NARS1: variants seen among roughly 807,000 people sequenced by gnomAD.
NARS1 encodes the protein asparaginyl-tRNA synthetase 1.
NARS1 carries 65 observed loss-of-function variants against 79.2 expected under a neutral mutation model. The observed-to-expected ratio is 0.82, with a 90% CI of 0.67 to 1.01. NARS1 has a LOEUF of 1.01. Among genes scored for constraint, NARS1 ranks in the 50% least tolerant of loss-of-function variants. The pLI, the probability that NARS1 is intolerant of heterozygous loss-of-function variation, is 0.00. For missense variants in NARS1, 649 were observed against 673.8 expected (o/e 0.96, Z 0.41); for synonymous variants, 229 against 238.8 (o/e 0.96, Z 0.38).
intron 2 of NARS1, 41 bp from the exon 3 acceptor site, chr18:57,616,016 T>C (rs1908015035): frequency 6.7e-7 from 1 of 1,497,680 alleles, no homozygotes; most frequent in Middle Eastern, 1.8e-4. Flanking sequence ...TTGAACATTG[T>C]ACAATACTTA....
chr18:57,603,328 G>A (rs957176129), intron 11 of NARS1, among the ~76,000 whole-genome samples: 9 of 151,946 alleles, frequency 5.9e-5, no homozygotes, highest in Admixed American at 3.3e-4. Context: ...ACTTAGTCCC[G>A]TAAGGCATAC....
Position 57,602,913 on chromosome 18 carries a change from T to C in NARS1, c.1282A>G (p.Thr428Ala), listed in dbSNP as rs1371938052. Residue 428 changes from threonine (T) to alanine (A), a missense_variant, in exon 12 of 14, where the codon ACA becomes GCA. Transcript: ENST00000256854. ...AAGATTGGTTCATTAATGGTGTCTGTCATCAGTCTCTCAGGAGCTTCTGGG... is the reference window on the plus strand; with the variant it reads ...AAGATTGGTTCATTAATGGTGTCTGCCATCAGTCTCTCAGGAGCTTCTGGG... The part of the protein sequence containing the change: ...DIPEAPERLM[T>A]DTINEPILLC... 4.3e-6 allele frequency: 7 copies of C among 1,614,124 alleles called. No individual in the cohort carries two copies. The Admixed American group carries it at 6.7e-5, about 15-fold the overall frequency.
At chr18:57,606,299 T>A (rs1030829723) in intron 10 of NARS1, among the ~76,000 whole-genome samples, 1 of 148,052 alleles carries the variant, frequency 6.8e-6, no homozygotes, top group Non-Finnish European at 1.5e-5. Flanking sequence ...TGAGCAGAGA[T>A]CGCGCCACTG....
In NARS1 at chr18:57,617,587, AAAAAAAAT is replaced by A. The variant is rs1363993007; in HGVS notation, c.94-1620_94-1613del. On this transcript the variant is annotated intron_variant, in intron 2 of 13. Coordinates refer to ENST00000256854, the MANE Select transcript of NARS1 (RefSeq NM_004539.4). ...GACTCCGTCTCAAAAAAAAAAAAAA[AAAAAAAAT>A]AGAGAAGGAAGGAATCTGGATCTTT... is the stretch of plus-strand genomic sequence containing the variant. Among the ~76,000 whole-genome samples, 10 of 146,832 alleles carry A rather than the reference AAAAAAAAT, an allele frequency of 6.8e-5. 1 individual carries two copies. Among genetic ancestry groups the A allele is most frequent in the Non-Finnish European group, 1.4e-4 (9 of 66,646 alleles).
intron 11 of NARS1, among the ~76,000 whole-genome samples, chr18:57,603,493 C>A (rs900983342): frequency 1.3e-5 from 2 of 151,760 alleles, no homozygotes; most frequent in African/African-American, 4.9e-5. Flanking sequence ...GACAAATAAC[C>A]AATGTCAAAC....
rs748807099 is a variant in NARS1, at chr18:57,606,725, G to A, written c.1028C>T (p.Pro343Leu). ...CAGGAGGTCGTCAAAAGTCAGGAAA[G>A]GACACTCAGCTTCCACGTGAGTGTA... ...AEYTHVEAEC[P>L]FLTFDDLLNR... Residue 343 changes from proline to leucine, a missense_variant, in exon 10 of 14, where the codon CCT becomes CTT. Pro to Leu is a moderately conservative substitution (Grantham distance 98, BLOSUM62 -3). Coordinates refer to ENST00000256854, the MANE Select transcript of NARS1 (RefSeq NM_004539.4). The A allele has an allele frequency of 1.2e-6, 2 of 1,614,148 alleles. No homozygotes were observed. The highest frequency in any genetic ancestry group is 1.7e-6 in the Non-Finnish European group (2 of 1,180,018).
At chr18:57,605,114 T>A in intron 11 of NARS1, among the ~76,000 whole-genome samples, 1 of 103,348 alleles carries the variant, frequency 9.7e-6, no homozygotes, top group African/African-American at 4.2e-5. Context: ...ACAAGATACA[T>A]TCTCCAGAAA....
intron 7 of NARS1, among the ~76,000 whole-genome samples, chr18:57,608,438 A>AAAT: frequency 6.0e-4 from 1 of 1,676 alleles, no homozygotes; most frequent in South Asian, 0.045. Context: ...ACTCCGTCTC[A>AAAT]AAAAAAAAAA....
intron 11 of NARS1, among the ~76,000 whole-genome samples, chr18:57,604,615 T>C (rs2051538536): frequency 6.6e-6 from 1 of 152,020 alleles, no homozygotes; most frequent in Non-Finnish European, 1.5e-5. Flanking sequence ...TTGAGCCAGA[T>C]GCAGTGGCTC....
At chr18:57,603,779 G>A (rs1421758863) in intron 11 of NARS1, among the ~76,000 whole-genome samples, 2 of 136,920 alleles carry the variant, frequency 1.5e-5, no homozygotes, top group African/African-American at 2.6e-5. Context: ...CCTCGGAGAC[G>A]CCGAGAGGTA....
chr18:57,607,851 T>C (rs1195372135), intron 7 of NARS1, among the ~76,000 whole-genome samples, 186 bp from the exon 8 acceptor site: 1 of 151,644 alleles, frequency 6.6e-6, no homozygotes, highest in Non-Finnish European at 1.5e-5. Flanking sequence ...AAATACACAC[T>C]CACATACACA....
At position 57,602,419 on chromosome 18, in the gene NARS1, T is replaced by G. The variant is rs760667627; in HGVS notation, c.1451A>C (p.Glu484Ala). 1 of 1,613,952 alleles carries G rather than the reference T, an allele frequency of 6.2e-7. No homozygotes were observed. Among genetic ancestry groups the G allele is most frequent in the Non-Finnish European group, 8.5e-7 (1 of 1,179,838 alleles). The change falls in exon 13 of 14, where the codon GAA becomes GCA. Residue 484 changes from glutamate to alanine, a missense_variant. Coordinates refer to ENST00000256854, the MANE Select transcript of NARS1 (RefSeq NM_004539.4). ...GGSMRIFDSE[E>A]ILAGYKREGI... Reference sequence around the variant, plus strand: ...TTCCCTTTTATAACCTGCCAGTATTTCTTCACTATCAAAGATACGCATTGA... The same window carrying G: ...TTCCCTTTTATAACCTGCCAGTATTGCTTCACTATCAAAGATACGCATTGA...
In NARS1 at chr18:57,601,793, A is replaced by AAAAG. The variant is rs752146996; in HGVS notation, c.1516-14_1516-11dup. On this transcript the variant is annotated splice_polypyrimidine_tract_variant and intron_variant, in intron 13 of 13. Transcript: ENST00000256854. ...ATGTACCGTATTTTCTCTGTTTAAA[A>AAAAG]AAAGAAAGAAAGAAAGAGGAGTAAA... is the stretch of plus-strand genomic sequence containing the variant. 4.3e-6 allele frequency: 7 copies of AAAAG among 1,611,486 alleles called. No homozygotes were observed. The Admixed American group carries it at 5.0e-5, about 12-fold the overall frequency.
At position 57,609,412 on chromosome 18, in the gene NARS1, G is replaced by A. The variant is rs776234547; in HGVS notation, c.524C>T (p.Thr175Met). Reference sequence around the variant, plus strand: ...TCCATACACTGCAACACTGCTCTCCGTGGACAAGAGAACTCCATTGTAGCA... The same window carrying A: ...TCCATACACTGCAACACTGCTCTCCATGGACAAGAGAACTCCATTGTAGCA... The part of the protein sequence containing the change: ...CQCYNGVLLS[T>M]ESSVAVYGML... The change falls in exon 7 of 14, where the codon ACG becomes ATG. Residue 175 changes from threonine (T) to methionine (M), a missense_variant. Thr to Met is a moderately conservative substitution (Grantham distance 81). Transcript: ENST00000256854. The A allele has an allele frequency of 1.9e-5, 31 of 1,613,672 alleles. No homozygotes were observed. Among genetic ancestry groups the A allele is most frequent in the East Asian group, 8.9e-5 (4 of 44,858 alleles).
chr18:57,608,034 A>C (rs2051574648), intron 7 of NARS1, among the ~76,000 whole-genome samples: 1 of 151,780 alleles, frequency 6.6e-6, no homozygotes, highest in Admixed American at 6.6e-5. Flanking sequence ...CGTCTGGCTA[A>C]TTTTTGTATA....
chr18:57,605,955 T>A lies in NARS1; in HGVS notation c.1153A>T (p.Lys385Ter), dbSNP rs2051552757. 1 of 1,612,848 alleles carries A rather than the reference T, an allele frequency of 6.2e-7. No homozygotes were observed. The highest frequency in any genetic ancestry group is 8.5e-7 in the Non-Finnish European group (1 of 1,179,352). The change falls in exon 11 of 14, where the codon AAA becomes TAA. Residue 385 changes from lysine to a stop codon, truncating the protein, a stop_gained. Coordinates refer to ENST00000256854, the MANE Select transcript of NARS1 (RefSeq NM_004539.4). LOFTEE classifies it high-confidence loss of function. Reference protein sequence around the residue: ...HELNPNFQPPKRPFKRMNYSD... With the variant: ...HELNPNFQPP ...TAGTTCATCCGTTTGAAAGGCCGTT[T>A]GGGGGGCTGAAAGTTCTACAGAAGA...
chr18:57,604,655 T>C (rs1170833356), intron 11 of NARS1, among the ~76,000 whole-genome samples: 1 of 152,044 alleles, frequency 6.6e-6, no homozygotes, highest in East Asian at 1.9e-4. Context: ...TTTGGAAAGC[T>C]GGGGTGGGAG....
chr18:57,612,693 C>T (rs147504852), intron 5 of NARS1, among the ~76,000 whole-genome samples: 138 of 152,354 alleles, frequency 9.1e-4, no homozygotes, highest in African/African-American at 3.2e-3. Flanking sequence ...GCCTTGGCCT[C>T]CCGAAGTACT....
chr18:57,612,922 C>A (rs564653285), intron 5 of NARS1, among the ~76,000 whole-genome samples: 1 of 152,110 alleles, frequency 6.6e-6, no homozygotes, highest in Admixed American at 6.5e-5. Flanking sequence ...AGATGTCAAC[C>A]TCCTATAGTA....
Sources: gnomAD v4.1 joint callset for allele counts (sites outside exome capture counted in the v4.1 genomes callset) on GRCh38, gnomAD v4.1.1 for gene constraint, MANE v1.5 for transcripts, NCBI Gene and HGNC (gene_info 2026-07-23, HGNC 2026-07-21) for gene names.